TSNARE1: variants seen among roughly 807,000 people sequenced by gnomAD.
TSNARE1 encodes the protein t-SNARE domain containing 1.
In TSNARE1, 49 loss-of-function variants were observed where a neutral mutation model predicts 62.0. The observed-to-expected ratio is 0.79, with a 90% CI of 0.63 to 1.00. The LOEUF (loss-of-function observed/expected upper bound fraction) is 1.00. Ranked by LOEUF, TSNARE1 falls within the 50% of genes least tolerant of loss-of-function variation. The pLI is 0.00. For synonymous variants in TSNARE1, 328 were observed against 294.4 expected (o/e 1.11, Z -1.17); for missense variants, 755 against 700.1 (o/e 1.08, Z -0.88).
intron 12 of TSNARE1, chr8:142,272,582 C>G: frequency 1.5e-6 from 1 of 650,986 alleles, no homozygotes; most frequent in Non-Finnish European, 1.7e-6. Context: ...CCGTCTACAC[C>G]TTCCTCCTTC....
intron 1 of TSNARE1, among the ~76,000 whole-genome samples, chr8:142,384,204 T>TA (rs1836961572): frequency 6.6e-6 from 1 of 152,124 alleles, no homozygotes. Flanking sequence ...ACATGTGCAG[T>TA]CTGCCTCCGT....
chr8:142,232,701 G>A (rs1046548672), intron 12 of TSNARE1, among the ~76,000 whole-genome samples: 7 of 152,194 alleles, frequency 4.6e-5, no homozygotes, highest in Admixed American at 3.9e-4. Context: ...CCAAGCCACC[G>A]CTCCGTATCT....
intron 12 of TSNARE1, among the ~76,000 whole-genome samples, chr8:142,257,528 TC>T (rs1428030784): frequency 6.6e-6 from 1 of 152,040 alleles, no homozygotes; most frequent in Non-Finnish European, 1.5e-5. Context: ...ACCACTCCCC[TC>T]TGCTTCCCTG....
intron 12 of TSNARE1, among the ~76,000 whole-genome samples, chr8:142,267,846 G>A (rs769666346): frequency 4.6e-5 from 7 of 152,210 alleles, no homozygotes; most frequent in Admixed American, 1.3e-4. Context: ...GTGTGGATAC[G>A]AATCCCACTG....
At chr8:142,236,080 C>A (rs145056057) in intron 12 of TSNARE1, among the ~76,000 whole-genome samples, 287 of 152,326 alleles carry the variant, frequency 1.9e-3, no homozygotes, top group African/African-American at 6.6e-3. Context: ...CACAGCCTCA[C>A]CGCGTGGCCA....
In TSNARE1 at chr8:142,344,150, C is replaced by A. The variant is rs1833024160; in HGVS notation, c.561G>T (p.Lys187Asn). The part of the protein sequence containing the change: ...CRRDVVDLKH[K>N]WRDLRAVVRR... ...GCACGACGGCTCGTAGGTCCCGCCA[C>A]TTGTGCTTCAGGTCCACAACGTCGC... The change falls in exon 4 of 14, where the codon AAG becomes AAT. Residue 187 changes from lysine to asparagine, a missense_variant. Physicochemically the swap from Lys to Asn is moderately conservative, Grantham distance 94 (BLOSUM62 0). Transcript: ENST00000524325. 6.2e-7 allele frequency: 1 copy of A among 1,613,074 alleles called. No individual in the cohort carries two copies. Among genetic ancestry groups the A allele is most frequent in the Non-Finnish European group, 8.5e-7 (1 of 1,179,842 alleles).
chr8:142,356,933 A>G (rs1834787119), intron 1 of TSNARE1, among the ~76,000 whole-genome samples: 1 of 152,088 alleles, frequency 6.6e-6, no homozygotes, highest in Non-Finnish European at 1.5e-5. Context: ...CAGGACAGGA[A>G]GGGGGGACGC....
intron 1 of TSNARE1, among the ~76,000 whole-genome samples, chr8:142,391,972 G>A (rs989679901): frequency 2.0e-5 from 3 of 152,334 alleles, no homozygotes; most frequent in Admixed American, 1.3e-4. Flanking sequence ...GACACCCCAG[G>A]GATCCCGTGA....
At chr8:142,382,145 G>C (rs1002835821) in intron 1 of TSNARE1, among the ~76,000 whole-genome samples, 17 of 152,216 alleles carry the variant, frequency 1.1e-4, no homozygotes, top group African/African-American at 3.9e-4. Context: ...ATGTGTGAGC[G>C]TGTGTGCTCA....
At chr8:142,292,479 G>C (rs757999922) in intron 10 of TSNARE1, among the ~76,000 whole-genome samples, 173 of 152,314 alleles carry the variant, frequency 1.1e-3, no homozygotes, top group Non-Finnish European at 9.0e-4. Flanking sequence ...TGGGCCTGTG[G>C]AGGTGGTGGG....
At chr8:142,254,544 C>T (rs1818330730) in intron 12 of TSNARE1, among the ~76,000 whole-genome samples, 2 of 152,244 alleles carry the variant, frequency 1.3e-5, no homozygotes, top group South Asian at 2.1e-4. Context: ...CTTCACCTCT[C>T]ATGTTCTTCC....
intron 10 of TSNARE1, among the ~76,000 whole-genome samples, chr8:142,288,788 A>C (rs1823253857): frequency 6.6e-6 from 1 of 152,234 alleles, no homozygotes; most frequent in Non-Finnish European, 1.5e-5. Flanking sequence ...CATTGGGATG[A>C]GCTAAGACAC....
chr8:142,290,328 G>A (rs554358214), intron 10 of TSNARE1, among the ~76,000 whole-genome samples: 1 of 152,372 alleles, frequency 6.6e-6, no homozygotes, highest in East Asian at 1.9e-4. Flanking sequence ...GGCAGCCAGA[G>A]GGCGGGAGAG....
chr8:142,392,332 T>C (rs899008811), intron 1 of TSNARE1, among the ~76,000 whole-genome samples: 29 of 152,150 alleles, frequency 1.9e-4, no homozygotes, highest in Non-Finnish European at 3.7e-4. Context: ...AACTTTTTTT[T>C]AATAAGTAAA....
Position 142,382,278 on chromosome 8 carries a change from G to GCACCTCGTAGACCACGCC in TSNARE1, c.-40+20808_-40+20825dup, listed in dbSNP as rs967815418. ...CAGAATGCCAGCCGGGCACCCCCAGGCACCTCGTAGACCACGCCCAGAATC... is the reference window on the plus strand; with the variant it reads ...CAGAATGCCAGCCGGGCACCCCCAGGCACCTCGTAGACCACGCCCACCTCGTAGACCACGCCCAGAATC... On this transcript the variant is annotated intron_variant, in intron 1 of 13. Transcript: ENST00000524325. Among the ~76,000 whole-genome samples, 13 of 152,282 alleles carry GCACCTCGTAGACCACGCC rather than the reference G, an allele frequency of 8.5e-5. No individual in the cohort carries two copies. In the East Asian group the frequency reaches 2.5e-3, roughly 29 times the overall value.
chr8:142,284,904 G>C (rs1457782102), intron 10 of TSNARE1, among the ~76,000 whole-genome samples: 1 of 152,200 alleles, frequency 6.6e-6, no homozygotes, highest in South Asian at 2.1e-4. Flanking sequence ...AGAATGTCTA[G>C]GGCAGATATA....
At chr8:142,368,662 G>A (rs943235894) in intron 1 of TSNARE1, among the ~76,000 whole-genome samples, 4 of 152,156 alleles carry the variant, frequency 2.6e-5, no homozygotes, top group African/African-American at 9.7e-5. Flanking sequence ...TTCTCCATGG[G>A]CTCAAGAGAA....
rs143152622 is a variant in TSNARE1, at chr8:142,212,618, G to A, written c.*12-305C>T. On this transcript the variant is annotated intron_variant, in intron 13 of 13. Coordinates refer to ENST00000524325, the MANE Select transcript of TSNARE1 (RefSeq NM_145003.5). ...GGCCGCATCCATGTGCCCAGGCTGC[G>A]GACTCCTGCAGCTAGAGCCTTCCCG... is the stretch of plus-strand genomic sequence containing the variant. 4.4e-3 allele frequency among the ~76,000 whole-genome samples: 669 copies of A among 152,060 alleles called. 4 individuals carry two copies. The highest frequency in any genetic ancestry group is 9.2e-3 in the Admixed American group (141 of 15,276).
chr8:142,303,520 C>T (rs72687376), intron 9 of TSNARE1, among the ~76,000 whole-genome samples: 29,107 of 152,270 alleles, frequency 0.19, 3,393 homozygotes, highest in South Asian at 0.29. Context: ...CGCCCCGTCT[C>T]ACATGCTTTT....
Sources: gnomAD v4.1 joint callset for allele counts (sites outside exome capture counted in the v4.1 genomes callset) on GRCh38, gnomAD v4.1.1 for gene constraint, MANE v1.5 for transcripts, NCBI Gene and HGNC (gene_info 2026-07-23, HGNC 2026-07-21) for gene names.